Variants in PLEKHA8 observed in about 807,000 individuals in gnomAD.
The protein encoded by PLEKHA8 is pleckstrin homology domain-containing family A member 8.
PLEKHA8 carries 36 observed loss-of-function variants against 68.2 expected under a neutral mutation model. The ratio of observed to expected loss-of-function variants is 0.53; its 90% CI spans 0.40 to 0.70. The LOEUF is 0.70. PLEKHA8 is among the 30% of genes least tolerant of loss of function. The pLI is 0.00. For missense variants in PLEKHA8, 505 were observed against 615.4 expected, an observed-to-expected ratio of 0.82 and a Z score of 1.90; for synonymous variants, 211 against 216.1, an observed-to-expected ratio of 0.98 and a Z score of 0.20.
chr7:30,065,587 G>A (rs1793789602), intron 12 of PLEKHA8, among the ~76,000 whole-genome samples: 1 of 152,264 alleles, frequency 6.6e-6, no homozygotes, highest in East Asian at 1.9e-4. Context: ...AAGTAGAACT[G>A]ATACCTTGTT....
chr7:30,129,907 A>G (rs559861348), downstream of PLEKHA8: 3 of 154,502 alleles, frequency 1.9e-5, no homozygotes, highest in African/African-American at 4.8e-5. Context: ...TGCTCTTTCC[A>G]TCAGCCAGTT....
intron 1 of PLEKHA8, among the ~76,000 whole-genome samples, chr7:30,042,650 G>A (rs1211466255): frequency 2.0e-5 from 3 of 152,150 alleles, no homozygotes; most frequent in African/African-American, 7.2e-5. Flanking sequence ...GCTCTGTTGT[G>A]TACTTCCTTT....
chr7:30,074,971 C>T (rs1794523669), intron 13 of PLEKHA8: 1 of 152,108 alleles, frequency 6.6e-6, no homozygotes, highest in African/African-American at 2.4e-5. Context: ...TCTTCCCATC[C>T]AGGAAAAGGT....
In PLEKHA8 at chr7:30,074,246, T is replaced by TTGTGTG. The variant is rs149548208; in HGVS notation, c.1362+136_1362+141dup. 1,373 of 488,296 alleles carry TTGTGTG rather than the reference T, an allele frequency of 2.8e-3. 5 individuals are homozygous for TTGTGTG. Among genetic ancestry groups the TTGTGTG allele is most frequent in the African/African-American group, 0.011 (552 of 49,300 alleles). 30.2% of individuals were successfully genotyped at this position (488,296 alleles called of 1,614,324 possible). A position where few individuals can be genotyped will look rare whatever the true frequency, so the allele number is the denominator to read the frequency against. On this transcript the variant is annotated intron_variant, in intron 13 of 13. Transcript: ENST00000449726. ...CTAGTCATGATTGTCAGAAACAAAG[T>TTGTGTG]TGTGTGTGTGTGTGTGTGTGTGTGT...
intron 1 of PLEKHA8, among the ~76,000 whole-genome samples, chr7:30,037,365 C>T (rs1351160471): frequency 1.3e-5 from 2 of 152,042 alleles, no homozygotes; most frequent in African/African-American, 2.4e-5. Context: ...AACAGGGTCT[C>T]GCTATGTTGC....
At chr7:30,055,217 A>G (rs1792744343) in intron 8 of PLEKHA8, 40 bp from the exon 9 acceptor site, 2 of 1,560,190 alleles carry the variant, frequency 1.3e-6, no homozygotes. Flanking sequence ...CTGATACTGT[A>G]TTTTCAATCT....
intron 1 of PLEKHA8, among the ~76,000 whole-genome samples, chr7:30,034,517 A>G (rs182885574): frequency 7.2e-5 from 11 of 152,318 alleles, no homozygotes; most frequent in Non-Finnish European, 1.3e-4. Context: ...ATGTTATGTC[A>G]TATGTGTCGT....
At chr7:30,071,497 A>T (rs2127994255) in intron 12 of PLEKHA8, among the ~76,000 whole-genome samples, 1 of 152,202 alleles carries the variant, frequency 6.6e-6, no homozygotes, top group South Asian at 2.1e-4. Context: ...CTCCCTTCTT[A>T]CTGTTCCTGT....
At chr7:30,033,702 T>A (rs1472231503) in intron 1 of PLEKHA8, among the ~76,000 whole-genome samples, 3 of 152,212 alleles carry the variant, frequency 2.0e-5, no homozygotes, top group Non-Finnish European at 2.9e-5. Flanking sequence ...ATGATAACTC[T>A]TTATTTAATA....
chr7:30,090,153 G>T (rs1795356379), exon 13 of PLEKHA8: 1 of 1,550,470 alleles, frequency 6.4e-7, no homozygotes, highest in African/African-American at 1.4e-5. Flanking sequence ...TATGTTGTAG[G>T]AAATCCAACA....
intron 9 of PLEKHA8, among the ~76,000 whole-genome samples, chr7:30,059,527 A>G (rs1793264819): frequency 6.6e-6 from 1 of 151,476 alleles, no homozygotes; most frequent in Non-Finnish European, 1.5e-5. Context: ...TTTTCTCTGT[A>G]TGTTCTTTGT....
At position 30,047,872 on chromosome 7, in the gene PLEKHA8, A is replaced by G. The variant is rs540744967; in HGVS notation, c.354A>G (p.Ser118=). The change falls in exon 4 of 14, where the codon TCA becomes TCG. Residue 118 remains serine (S), a synonymous_variant. Transcript: ENST00000449726. ...ENTENLKTKM[S]ELRLYCDLLV... is the part of the protein sequence containing the mutation. ...CTGAAAACTTGAAAACCAAAATGTC[A>G]GAACTAAGACTCTACTGTGACCTCC... is the stretch of plus-strand genomic sequence containing the variant. The G allele has an allele frequency of 5.5e-5, 89 of 1,610,280 alleles. 1 individual carries two copies. The South Asian group carries it at 8.9e-4, about 16-fold the overall frequency.
chr7:30,072,507 G>A (rs1794304319), intron 12 of PLEKHA8, among the ~76,000 whole-genome samples: 2 of 152,222 alleles, frequency 1.3e-5, no homozygotes, highest in South Asian at 4.1e-4. Context: ...TGTAAACTGG[G>A]TTGAAGCTGT....
At position 30,028,822 on chromosome 7, in the gene PLEKHA8, C is replaced by T. The variant is rs1286577509; in HGVS notation, c.40+20C>T. On this transcript the variant is annotated intron_variant, in intron 1 of 13. Transcript: ENST00000449726. ...TGAGCGGTGAGTGGCCGTGCCGGGC[C>T]GGGGGCGCGCCGGGGGCCGGTCCTT... 2.4e-6 allele frequency: 3 copies of T among 1,259,782 alleles called. No individual in the cohort carries two copies. The highest frequency in any genetic ancestry group is 2.0e-4 in the Middle Eastern group (1 of 4,880). 78.0% of individuals were successfully genotyped at this position (1,259,782 alleles called of 1,614,324 possible).
intron 13 of PLEKHA8, among the ~76,000 whole-genome samples, chr7:30,076,266 T>C (rs999280487): frequency 1.6e-4 from 24 of 152,176 alleles, no homozygotes; most frequent in Non-Finnish European, 1.0e-4. Flanking sequence ...GTCTGTATAA[T>C]ATTTTCCTAG....
chr7:30,082,931 A>G lies in PLEKHA8; in HGVS notation c.*4144A>G. On this transcript the variant is annotated 3_prime_UTR_variant, in exon 14 of 14. Transcript: ENST00000449726. ...CCATGTCCTACAAGAACTTGGTTAT[A>G]TAATGGTGCGTCTCTGAATCACTGA... 1 of 985,422 alleles carries G rather than the reference A, an allele frequency of 1.0e-6. No individual in the cohort carries two copies. The allele number at this position is 985,422 out of a possible 1,614,324, so 61.0% of individuals were successfully genotyped here. A position where few individuals can be genotyped will look rare whatever the true frequency, so the allele number is the denominator to read the frequency against.
chr7:30,071,516 A>G (rs1478414532), intron 12 of PLEKHA8, among the ~76,000 whole-genome samples: 1 of 152,206 alleles, frequency 6.6e-6, no homozygotes, highest in African/African-American at 2.4e-5. Flanking sequence ...GTAGCACTGC[A>G]TACAGATAGC....
intron 13 of PLEKHA8, among the ~76,000 whole-genome samples, chr7:30,097,764 G>A (rs577494365): frequency 6.6e-6 from 1 of 152,246 alleles, no homozygotes; most frequent in East Asian, 1.9e-4. Flanking sequence ...CTTTGCCATT[G>A]GTTCGAACTT....
In PLEKHA8 at chr7:30,096,431, C is replaced by T. The variant is rs1449819819; in HGVS notation, c.1362+22299C>T. ...AGCTTAAGGAGATTTTGGGCTGAGA[C>T]GATGGGGTTTTCTAGATATACAATC... On this transcript the variant is annotated intron_variant, in intron 13 of 13. Transcript: ENST00000396257. 1.7e-4 allele frequency among the ~76,000 whole-genome samples: 26 copies of T among 152,214 alleles called. No individual in the cohort carries two copies. In the South Asian group the frequency reaches 4.6e-3, roughly 27 times the overall value.
Sources: allele counts gnomAD v4.1 joint callset (sites outside exome capture counted in the v4.1 genomes callset), GRCh38; gene constraint gnomAD v4.1.1; transcripts MANE v1.5; gene names NCBI Gene and HGNC (gene_info 2026-07-23, HGNC 2026-07-21).